The following DIDO1 variants were observed in gnomAD, a reference collection of about 807,000 sequenced individuals.
DIDO1 encodes death-inducer obliterator 1.
DIDO1 carries 16 observed loss-of-function variants against 99.4 expected under a neutral mutation model. The ratio of observed to expected loss-of-function variants is 0.16; its 90% confidence interval spans 0.11 to 0.24. DIDO1 has a LOEUF of 0.24. Ranked by LOEUF, DIDO1 falls within the 10% of genes least tolerant of loss-of-function variation. DIDO1 has a pLI of 1.00. For missense variants in DIDO1, 2,996 were observed against 3,014.0 expected (o/e 0.99, Z 0.14); for synonymous variants, 1,366 against 1,239.1 (o/e 1.10, Z -2.15).
At position 62,906,007 on chromosome 20, in the gene DIDO1, C is replaced by T. The variant is rs749603660; in HGVS notation, c.1468G>A (p.Glu490Lys). The T allele has an allele frequency of 1.2e-6, 2 of 1,613,970 alleles. No homozygotes were observed. Among genetic ancestry groups the T allele is most frequent in the East Asian group, 4.5e-5 (2 of 44,902 alleles). The change falls in exon 6 of 16, where the codon GAA (glutamate) becomes AAA (lysine). Residue 490 changes from glutamate (E) to lysine (K), a missense_variant. Glu to Lys is a moderately conservative substitution (Grantham distance 56, BLOSUM62 1). Around this residue, in one of 5 missense-constraint regions of DIDO1, gnomAD observed 898 missense variants for 972.7 expected, o/e 0.92. Coordinates refer to ENST00000395343, the MANE Select transcript of DIDO1 (RefSeq NM_001193369.2). Reference protein sequence around the residue: ...KKAVVVPARSEALGKEAACES... With the variant: ...KKAVVVPARSKALGKEAACES... ...CAAGCTGCTTCCTTCCCGAGTGCTT[C>T]ACTCCGCGCAGGGACCACCACTGCC...
intron 1 of DIDO1, among the ~76,000 whole-genome samples, chr20:62,922,049 A>T (rs368776633): frequency 7.3e-5 from 9 of 123,146 alleles, no homozygotes; most frequent in African/African-American, 1.9e-4. Context: ...ATATACACAC[A>T]ATATATATAT....
rs2064824743 is a variant in DIDO1, at chr20:62,907,130, G to A, written c.1374+17C>T. 3.1e-6 allele frequency: 5 copies of A among 1,613,438 alleles called. No homozygotes were observed. In the South Asian group the frequency reaches 3.3e-5, roughly 11 times the overall value. On this transcript the variant is annotated intron_variant, in intron 5 of 15. Coordinates refer to ENST00000395343, the MANE Select transcript of DIDO1 (RefSeq NM_001193369.2). ...CTGTGCGTCCACTGCCTGGGCGGCTGGTCCTGGTCCACTCACCTGAGCACC... is the reference window on the plus strand; with the variant it reads ...CTGTGCGTCCACTGCCTGGGCGGCTAGTCCTGGTCCACTCACCTGAGCACC...
At chr20:62,929,332 A>C (rs1049329971), upstream of DIDO1, 1 of 123,428 alleles carries the variant, frequency 8.1e-6, no homozygotes, top group East Asian at 2.9e-4. Flanking sequence ...GCAGCGGGGG[A>C]GGGGCACGGG....
At chr20:62,928,716 A>G (rs897892891), upstream of DIDO1, 5 of 152,252 alleles carry the variant, frequency 3.3e-5, no homozygotes, top group South Asian at 1.0e-3. Context: ...AATATCCCCA[A>G]TTCACAAACA....
At chr20:62,887,118 A>T in intron 15 of DIDO1, 1 of 985,460 alleles carries the variant, frequency 1.0e-6, no homozygotes, top group Non-Finnish European at 1.2e-6. Context: ...TGGGCACACT[A>T]GGGTGCACTG....
intron 1 of DIDO1, among the ~76,000 whole-genome samples, chr20:62,921,458 T>C (rs1012329840): frequency 2.6e-5 from 4 of 152,254 alleles, no homozygotes; most frequent in Admixed American, 2.0e-4. Context: ...TGCTTTAGCA[T>C]TCACTTTTTC....
rs2064409836 is a variant in DIDO1, at chr20:62,892,055, T to C, written c.3277A>G (p.Ile1093Val). ...GTCTTCGGTGCGATCCTCCCACCAATGTGAATTGTGTCAGGCAAATCCTAA... is the reference window on the plus strand; with the variant it reads ...GTCTTCGGTGCGATCCTCCCACCAACGTGAATTGTGTCAGGCAAATCCTAA... The part of the protein sequence containing the change: ...LSEDLPDTIH[I>V]GGRIAPKTVW... The change falls in exon 14 of 16, where the codon ATT becomes GTT. Residue 1093 changes from isoleucine to valine, a missense_variant. By Grantham distance (29) the Ile-to-Val change is conservative. This residue lies in a region of DIDO1 where 135 missense variants were observed against 202.3 expected (regional missense o/e 0.67). Coordinates refer to ENST00000395343, the MANE Select transcript of DIDO1 (RefSeq NM_001193369.2). 6.2e-7 allele frequency: 1 copy of C among 1,612,884 alleles called. No homozygotes were observed. The highest frequency in any genetic ancestry group is 1.7e-4 in the Middle Eastern group (1 of 6,058).
intron 15 of DIDO1, among the ~76,000 whole-genome samples, chr20:62,883,772 G>A (rs1193163658): frequency 1.3e-5 from 2 of 152,012 alleles, no homozygotes; most frequent in African/African-American, 2.4e-5. Flanking sequence ...GTTGCAGTGA[G>A]CCGAGATCAC....
intron 1 of DIDO1, among the ~76,000 whole-genome samples, chr20:62,931,902 T>C (rs1459063561): frequency 1.3e-5 from 2 of 152,188 alleles, no homozygotes; most frequent in African/African-American, 2.4e-5. Flanking sequence ...TATGAATAAC[T>C]ATATAAATTA....
chr20:62,922,209 TACATATATATACACACACAC>T (rs879438374), intron 1 of DIDO1, among the ~76,000 whole-genome samples: 32,953 of 147,396 alleles, frequency 0.22, 4,083 homozygotes, highest in East Asian at 0.33. Context: ...TATATATATG[TACATATATATACACACACAC>T]ACATATATAT....
chr20:62,882,298 G>T lies in DIDO1; in HGVS notation c.3658C>A (p.Pro1220Thr). The change falls in exon 16 of 16, where the codon CCG becomes ACG. Residue 1220 changes from proline (P) to threonine (T), a missense_variant. Physicochemically the swap from Pro to Thr is conservative, Grantham distance 38. Coordinates refer to ENST00000395343, the MANE Select transcript of DIDO1 (RefSeq NM_001193369.2). ...TAGGCCGGAACGTCCGCTTCTTCCG[G>T]TTGAAGTCGGGTCCGCTTTTCGTCC... The part of the protein sequence containing the change: ...KMDEKRTRLQ[P>T]EEADVPAYPK... 6.2e-7 allele frequency: 1 copy of T among 1,614,000 alleles called. No homozygotes were observed. Among genetic ancestry groups the T allele is most frequent in the Non-Finnish European group, 8.5e-7 (1 of 1,180,026 alleles).
rs11479019 is a variant in DIDO1 at position 62,907,038 on chromosome 20, GCC to G, written c.1374+107_1374+108del. 4 of 1,112,860 alleles carry G rather than the reference GCC, an allele frequency of 3.6e-6. No individual in the cohort carries two copies. The South Asian group carries it at 4.0e-5, about 11-fold the overall frequency. The allele number at this position is 1,112,860 out of a possible 1,614,324, so 68.9% of individuals were successfully genotyped here. A position where few individuals can be genotyped will look rare whatever the true frequency, so the allele number is the denominator to read the frequency against. ...AAGGTCAAGGCGACACCACGTGTGC[GCC>G]CCCCTACACCTGCCACCCCCACACG... On this transcript the variant is annotated intron_variant, in intron 5 of 15. Transcript: ENST00000395343.
chr20:62,924,232 G>A lies in DIDO1; in HGVS notation c.-200+2207C>T, dbSNP rs1168071227. ...TCATTTAAATAAGAAATGTAAGTGAGAGACTCTGTTTAGAGAGAATTTTCT... is the reference window on the plus strand; with the variant it reads ...TCATTTAAATAAGAAATGTAAGTGAAAGACTCTGTTTAGAGAGAATTTTCT... On this transcript the variant is annotated intron_variant, in intron 1 of 15. Coordinates refer to ENST00000395343, the MANE Select transcript of DIDO1 (RefSeq NM_001193369.2). 2.0e-5 allele frequency among the ~76,000 whole-genome samples: 3 copies of A among 152,154 alleles called. No homozygotes were observed. In the East Asian group the frequency reaches 5.8e-4, roughly 29 times the overall value.
intron 6 of DIDO1, 36 bp from the exon 7 acceptor site, chr20:62,897,032 A>G: frequency 6.4e-7 from 1 of 1,570,012 alleles, no homozygotes. Context: ...GTAAGGGAGG[A>G]CACCACAGGG....
rs1373711610 is a variant in DIDO1, at chr20:62,881,867, G to A, written c.4089C>T (p.Ile1363=). ...GVPAPPLLDP[I]VQQFGQFSKD... ...TTGAGAACTGACCGAACTGCTGGAC[G>A]ATCGGATCTAACAACGGAGGTGCCG... is the stretch of plus-strand genomic sequence containing the variant. Residue 1363 remains isoleucine, a synonymous_variant, in exon 16 of 16, where the codon ATC becomes ATT. Coordinates refer to ENST00000395343, the MANE Select transcript of DIDO1 (RefSeq NM_001193369.2). The surrounding 1 kb of genome is among the most constrained non-coding windows in gnomAD (Gnocchi z 8.3). The A allele has an allele frequency of 3.7e-6, 6 of 1,613,550 alleles. No homozygotes were observed. The highest frequency in any genetic ancestry group is 1.1e-5 in the South Asian group (1 of 91,080).
At position 62,894,905 on chromosome 20, in the gene DIDO1, A is replaced by G; in HGVS notation, c.2341T>C (p.Ser781Pro). ...CTTTCATTGTGCAGTTTAGTTCTGGACTCCATCACCTGAAATGAAAAAGAC... is the reference window on the plus strand; with the variant it reads ...CTTTCATTGTGCAGTTTAGTTCTGGGCTCCATCACCTGAAATGAAAAAGAC... The part of the protein sequence containing the change: ...KERPARSVME[S>P]RTKLHNESKK... The change falls in exon 10 of 16, where the codon TCC (serine) becomes CCC (proline). Residue 781 changes from serine to proline, a missense_variant. By Grantham distance (74) the Ser-to-Pro change is moderately conservative (BLOSUM62 -1). Around this residue, in one of 5 missense-constraint regions of DIDO1, gnomAD observed 898 missense variants for 972.7 expected, o/e 0.92. Transcript: ENST00000395343. The surrounding 1 kb of genome is among the most constrained non-coding windows in gnomAD (Gnocchi z 4.4). 2.5e-6 allele frequency: 4 copies of G among 1,613,498 alleles called. No individual in the cohort carries two copies. The highest frequency in any genetic ancestry group is 3.4e-6 in the Non-Finnish European group (4 of 1,179,836).
intron 15 of DIDO1, among the ~76,000 whole-genome samples, chr20:62,886,808 G>A (rs1338276460): frequency 6.6e-6 from 1 of 152,190 alleles, no homozygotes; most frequent in African/African-American, 2.4e-5. Context: ...GAACAGAAAC[G>A]GTGTGGAAGT....
In DIDO1 at chr20:62,880,981, G is replaced by C; in HGVS notation, c.4975C>G (p.Leu1659Val). Residue 1659 changes from leucine to valine, a missense_variant, in exon 16 of 16, where the codon CTG becomes GTG. Around this residue, in one of 5 missense-constraint regions of DIDO1, gnomAD observed 1,562 missense variants for 1,412.6 expected, o/e 1.11. Coordinates refer to ENST00000395343, the MANE Select transcript of DIDO1 (RefSeq NM_001193369.2). ...DSSARPARRV[L>V]LPTPPCGALQ... Reference sequence around the variant, plus strand: ...GCGCCGCAAGGCGGTGTGGGCAGCAGCACCCTCCGGGCAGGCCTGGCCGAG... The same window carrying C: ...GCGCCGCAAGGCGGTGTGGGCAGCACCACCCTCCGGGCAGGCCTGGCCGAG... 6.2e-7 allele frequency: 1 copy of C among 1,605,838 alleles called. No individual in the cohort carries two copies.
At chr20:62,926,904 A>G (rs1428618056), upstream of DIDO1, among the ~76,000 whole-genome samples, 1 of 152,156 alleles carries the variant, frequency 6.6e-6, no homozygotes, top group East Asian at 1.9e-4. Flanking sequence ...TAAGAGGTGT[A>G]GGGGGGCGGG....
Sources: allele counts gnomAD v4.1 joint callset (sites outside exome capture counted in the v4.1 genomes callset), GRCh38; gene constraint gnomAD v4.1.1; regional missense constraint gnomAD v4.1.1; non-coding constraint Gnocchi (gnomAD v3.1); transcripts MANE v1.5; gene names NCBI Gene and HGNC (gene_info 2026-07-23, HGNC 2026-07-21).